LRRC7: variants seen among roughly 807,000 people sequenced by gnomAD.
The protein encoded by LRRC7 is leucine-rich repeat-containing protein 7.
LRRC7 carries 23 observed loss-of-function variants against 175.7 expected under a neutral mutation model. That is an observed-to-expected ratio of 0.13 (90% CI 0.09 to 0.19). The LOEUF is 0.19. Among genes scored for constraint, LRRC7 ranks in the 10% least tolerant of loss-of-function variants. LRRC7 has a pLI of 1.00. For synonymous variants in LRRC7, 685 were observed against 680.9 expected (o/e 1.01, Z -0.09); for missense variants, 1,354 against 1,904.7 (o/e 0.71, Z 5.38).
At chr1:69,829,530 C>T (rs1335903501) in intron 5 of LRRC7, among the ~76,000 whole-genome samples, 2 of 151,762 alleles carry the variant, frequency 1.3e-5, no homozygotes, top group Non-Finnish European at 1.5e-5. Context: ...ACTAGAGTAA[C>T]CCTACTGATC....
chr1:69,781,410 G>C (rs1673469849), intron 3 of LRRC7, among the ~76,000 whole-genome samples: 1 of 151,750 alleles, frequency 6.6e-6, no homozygotes, highest in African/African-American at 2.4e-5. Flanking sequence ...GGCTGGGCAT[G>C]GTGTCTCTTG....
At chr1:70,024,870 C>A (rs1657918097) in intron 17 of LRRC7, among the ~76,000 whole-genome samples, 1 of 152,002 alleles carries the variant, frequency 6.6e-6, no homozygotes, top group Non-Finnish European at 1.5e-5. Context: ...AAACATAATA[C>A]AATGATAAAT....
chr1:69,718,136 A>AAGAGAG lies in LRRC7; in HGVS notation c.100+39662_100+39667dup, dbSNP rs60491343. Among the ~76,000 whole-genome samples, 45 of 79,698 alleles carry AAGAGAG rather than the reference A, an allele frequency of 5.6e-4. 3 individuals carry two copies. The East Asian group carries it at 0.014, about 24-fold the overall frequency. The allele number at this position is 79,698 out of a possible 152,430, so 52.3% of individuals were successfully genotyped here. On this transcript the variant is annotated intron_variant, in intron 2 of 26. Transcript: ENST00000651989. ...AAGAAAGAAAGAAAGAAAAGAAAGA[A>AAGAGAG]AGAGAGAGAAAGAAAGAAAGAAAGA...
chr1:69,909,596 G>C (rs1049786390), intron 7 of LRRC7, among the ~76,000 whole-genome samples: 7 of 152,070 alleles, frequency 4.6e-5, no homozygotes, highest in African/African-American at 1.7e-4. Flanking sequence ...TTTAATATTG[G>C]CCCCCACTCT....
intron 2 of LRRC7, among the ~76,000 whole-genome samples, chr1:69,684,573 T>G (rs1341803459): frequency 6.6e-6 from 1 of 151,996 alleles, no homozygotes; most frequent in Non-Finnish European, 1.5e-5. Flanking sequence ...AACAGACCAT[T>G]TTGAAAGGAC....
intron 2 of LRRC7, among the ~76,000 whole-genome samples, chr1:69,754,782 G>A (rs2100912154): frequency 6.6e-6 from 1 of 152,130 alleles, no homozygotes; most frequent in Non-Finnish European, 1.5e-5. Flanking sequence ...ATCTTTGTAA[G>A]TTGTGAGATG....
intron 1 of LRRC7, among the ~76,000 whole-genome samples, chr1:69,637,728 C>T (rs1653617101): frequency 6.6e-6 from 1 of 151,890 alleles, no homozygotes; most frequent in Non-Finnish European, 1.5e-5. Flanking sequence ...ATCCATCTCC[C>T]TGTAACTAAT....
At chr1:69,568,726 C>T in intron 1 of LRRC7, 85 bp downstream of exon 1, 1 of 957,296 alleles carries the variant, frequency 1.0e-6, no homozygotes, top group Non-Finnish European at 1.3e-6. Flanking sequence ...TGTGGGACCC[C>T]AGAGGCCGGC....
chr1:69,854,957 T>G (rs942885552), intron 7 of LRRC7, among the ~76,000 whole-genome samples: 13 of 152,166 alleles, frequency 8.5e-5, no homozygotes, highest in African/African-American at 3.1e-4. Context: ...CTTTTTCAAC[T>G]CTTAATACTT....
chr1:69,714,265 G>C (rs1363315550), intron 2 of LRRC7, among the ~76,000 whole-genome samples: 1 of 152,062 alleles, frequency 6.6e-6, no homozygotes, highest in African/African-American at 2.4e-5. Context: ...ACAAAAATTT[G>C]TCCAGTTTAA....
chr1:69,868,022 G>A (rs756816087), intron 7 of LRRC7, among the ~76,000 whole-genome samples: 7 of 152,110 alleles, frequency 4.6e-5, no homozygotes, highest in Non-Finnish European at 1.0e-4. Flanking sequence ...TTAGAGGTAT[G>A]AGAATCATAC....
intron 3 of LRRC7, among the ~76,000 whole-genome samples, chr1:69,761,699 G>T (rs892648116): frequency 6.6e-6 from 1 of 151,898 alleles, no homozygotes; most frequent in East Asian, 1.9e-4. Context: ...GAAATAGACT[G>T]TCTGTTGTAC....
chr1:70,107,666 A>C (rs748714537), intron 25 of LRRC7, 86 bp from the exon 26 acceptor site: 228 of 955,112 alleles, frequency 2.4e-4, no homozygotes, highest in Non-Finnish European at 3.7e-4. Flanking sequence ...ATCTGTTTTC[A>C]CTGTTTTCTA....
intron 7 of LRRC7, 112 bp downstream of exon 7, chr1:69,838,395 C>A: frequency 1.2e-6 from 1 of 833,912 alleles, no homozygotes; most frequent in Non-Finnish European, 2.0e-6. Context: ...TTTATCTACA[C>A]ATTTTTCCTA....
chr1:69,906,525 C>G (rs551134979), intron 7 of LRRC7, among the ~76,000 whole-genome samples: 69 of 152,234 alleles, frequency 4.5e-4, no homozygotes, highest in African/African-American at 1.7e-3. Flanking sequence ...GAATCCTTTC[C>G]CCATTGCTTG....
At chr1:70,053,983 C>T (rs897551924) in intron 23 of LRRC7, among the ~76,000 whole-genome samples, 2 of 152,048 alleles carry the variant, frequency 1.3e-5, no homozygotes, top group Admixed American at 6.6e-5. Context: ...AAATACAAGT[C>T]GTTTGTAGGT....
chr1:69,765,279 T>A (rs1009518530), intron 3 of LRRC7, among the ~76,000 whole-genome samples: 4 of 152,120 alleles, frequency 2.6e-5, no homozygotes, highest in African/African-American at 7.2e-5. Flanking sequence ...CTATCCAAAA[T>A]TATTACCAAA....
chr1:69,701,475 A>G (rs1180964157), intron 2 of LRRC7, among the ~76,000 whole-genome samples: 1 of 152,242 alleles, frequency 6.6e-6, no homozygotes, highest in Non-Finnish European at 1.5e-5. Context: ...GAATTAGTGA[A>G]TAGGACAGAA....
At chr1:69,960,802 C>T (rs548321377) in intron 8 of LRRC7, among the ~76,000 whole-genome samples, 1 of 151,824 alleles carries the variant, frequency 6.6e-6, no homozygotes, top group African/African-American at 2.4e-5. Flanking sequence ...AAAAAACTCT[C>T]AATAAACTAG....
Sources: allele counts gnomAD v4.1 joint callset (sites outside exome capture counted in the v4.1 genomes callset), GRCh38; gene constraint gnomAD v4.1.1; transcripts MANE v1.5; gene names NCBI Gene and HGNC (gene_info 2026-07-23, HGNC 2026-07-21).